TIAL1: variants seen among roughly 807,000 people sequenced by gnomAD.
TIAL1 encodes the protein TIA1 cytotoxic granule associated RNA binding protein like 1, also known as nucleolysin TIAR.
Under a neutral mutation model 59.7 loss-of-function variants are expected in TIAL1, and 7 were observed. The observed-to-expected ratio is 0.12, with a 90% CI of 0.07 to 0.22. TIAL1 has a LOEUF of 0.22. Among genes scored for constraint, TIAL1 ranks in the 10% least tolerant of loss-of-function variants. The probability of loss-of-function intolerance (pLI) is 1.00; values close to 1 mark genes in which losing one functional copy is unlikely to be tolerated. For synonymous variants in TIAL1, 149 were observed against 146.3 expected (o/e 1.02, Z -0.13); for missense variants, 225 against 462.5 (o/e 0.49, Z 4.71).
chr10:119,593,283 A>G (rs1261635824), intron 1 of TIAL1, among the ~76,000 whole-genome samples: 2 of 152,206 alleles, frequency 1.3e-5, no homozygotes, highest in Non-Finnish European at 2.9e-5. Context: ...TCAATGCATA[A>G]TACCCCAAAA....
chr10:119,582,444 A>G lies in TIAL1; in HGVS notation c.228+15T>C. On this transcript the variant is annotated intron_variant, in intron 3 of 11. Transcript: ENST00000436547. This position sits in a 1 kb window ranked among gnomAD's most constrained non-coding sequence, Gnocchi z 5.1. ...ATATATGTACTCATAAGGTGCCATC[A>G]TCCTATTATCTTACCTTTCCCAAAA... The G allele has an allele frequency of 1.3e-6, 2 of 1,580,464 alleles. No individual in the cohort carries two copies. Among genetic ancestry groups the G allele is most frequent in the Non-Finnish European group, 1.7e-6 (2 of 1,168,338 alleles).
intron 2 of TIAL1, among the ~76,000 whole-genome samples, 184 bp downstream of exon 2, chr10:119,587,968 G>A (rs1023265850): frequency 1.6e-4 from 24 of 152,166 alleles, no homozygotes; most frequent in African/African-American, 4.1e-4. Flanking sequence ...TTAACAGCAC[G>A]GAAACTTTGC....
intron 1 of TIAL1, among the ~76,000 whole-genome samples, chr10:119,589,395 G>A (rs1053226680): frequency 3.3e-5 from 5 of 152,010 alleles, no homozygotes; most frequent in Non-Finnish European, 4.4e-5. Flanking sequence ...TAGTAGAGAC[G>A]GGGTTTCACC....
intron 2 of TIAL1, among the ~76,000 whole-genome samples, chr10:119,587,566 T>C (rs1049657119): frequency 6.6e-6 from 1 of 152,044 alleles, no homozygotes; most frequent in Non-Finnish European, 1.5e-5. Flanking sequence ...GCCAAGGAAC[T>C]ATCTTTATTC....
At chr10:119,587,949 C>G (rs1012332206) in intron 2 of TIAL1, among the ~76,000 whole-genome samples, 1 of 152,150 alleles carries the variant, frequency 6.6e-6, no homozygotes, top group African/African-American at 2.4e-5. Context: ...GAAGAATGAC[C>G]GTTTGAGCTT....
At chr10:119,596,109 C>G (rs1432667302) in intron 1 of TIAL1, among the ~76,000 whole-genome samples, 2 of 151,992 alleles carry the variant, frequency 1.3e-5, no homozygotes, top group Non-Finnish European at 2.9e-5. Context: ...CCAGGGCGTC[C>G]AACGCGGAGG....
chr10:119,591,196 G>C (rs1461203267), intron 1 of TIAL1, among the ~76,000 whole-genome samples: 1 of 152,004 alleles, frequency 6.6e-6, no homozygotes, highest in South Asian at 2.1e-4. Flanking sequence ...TTGAGGTCAG[G>C]AGTTCAAGAC....
At chr10:119,578,938 G>C in intron 6 of TIAL1, 104 bp from the exon 7 acceptor site, 2 of 818,786 alleles carry the variant, frequency 2.4e-6, no homozygotes, top group East Asian at 2.7e-5. Context: ...CAAATCAGTA[G>C]ATGAATTTAC....
In TIAL1 at chr10:119,581,962, C is replaced by G. The variant is rs755473170; in HGVS notation, c.331G>C (p.Glu111Gln). The G allele has an allele frequency of 6.2e-7, 1 of 1,613,556 alleles. No homozygotes were observed. Among genetic ancestry groups the G allele is most frequent in the South Asian group, 1.1e-5 (1 of 91,052 alleles). The change falls in exon 5 of 12, where the codon GAA becomes CAA. Residue 111 changes from glutamate (E) to glutamine (Q), a missense_variant. This residue lies in a region of TIAL1 where 38 missense variants were observed against 173.0 expected (regional missense o/e 0.22). Coordinates refer to ENST00000436547, the MANE Select transcript of TIAL1 (RefSeq NM_003252.4). ...VGDLSPEITT[E>Q]DIKSAFAPFG... ...GGGGCAAATGCTGATTTGATATCTT[C>G]TGTTGTAATTTCTGGACTCAAATCC...
intron 1 of TIAL1, among the ~76,000 whole-genome samples, chr10:119,592,490 C>A (rs1055095094): frequency 2.0e-4 from 30 of 152,182 alleles, no homozygotes; most frequent in African/African-American, 7.0e-4. Flanking sequence ...TTTTTCAACA[C>A]TGAATGTGCT....
chr10:119,590,325 T>C (rs1482537107), intron 1 of TIAL1, among the ~76,000 whole-genome samples: 1 of 152,234 alleles, frequency 6.6e-6, no homozygotes, highest in African/African-American at 2.4e-5. Context: ...GAGCCAGCGA[T>C]AGGCTGCTTG....
chr10:119,594,626 ATTTT>A (rs753068323), intron 1 of TIAL1, among the ~76,000 whole-genome samples: 93 of 150,946 alleles, frequency 6.2e-4, no homozygotes, highest in Non-Finnish European at 1.1e-3. Context: ...GAAGGATAAA[ATTTT>A]TTTTTTAATT....
intron 6 of TIAL1, 123 bp from the exon 7 acceptor site, chr10:119,578,957 CT>C (rs1845168949): frequency 1.4e-6 from 1 of 711,316 alleles, no homozygotes; most frequent in Admixed American, 2.7e-5. Flanking sequence ...ACTAAATATC[CT>C]AAACAAAACG....
chr10:119,576,080 T>C (rs1274910021), intron 11 of TIAL1, among the ~76,000 whole-genome samples: 1 of 150,406 alleles, frequency 6.6e-6, no homozygotes, highest in Admixed American at 6.7e-5. Context: ...ATCTATTACA[T>C]AAGAAATTTT....
intron 11 of TIAL1, 126 bp from the exon 12 acceptor site, chr10:119,575,917 A>C: frequency 1.2e-6 from 1 of 864,300 alleles, no homozygotes; most frequent in Non-Finnish European, 1.7e-6. Context: ...CCTACAACAA[A>C]TAGAAAGATC....
intron 5 of TIAL1, 68 bp downstream of exon 5, chr10:119,581,854 C>T: frequency 8.8e-7 from 1 of 1,137,522 alleles, no homozygotes; most frequent in Non-Finnish European, 1.3e-6. Flanking sequence ...AATCTTAATT[C>T]AATTACAAGT....
intron 2 of TIAL1, among the ~76,000 whole-genome samples, chr10:119,586,999 G>C (rs530272928): frequency 1.3e-5 from 2 of 152,260 alleles, no homozygotes; most frequent in Admixed American, 1.3e-4. Context: ...ATAGTGCCTA[G>C]TGCAAAGGAA....
intron 1 of TIAL1, chr10:119,593,515 T>C: frequency 1.0e-6 from 1 of 985,746 alleles, no homozygotes; most frequent in Non-Finnish European, 1.2e-6. Flanking sequence ...TGTGTGTGTC[T>C]GCAGGAAAAA....
At position 119,582,489 on chromosome 10, in the gene TIAL1, A is replaced by C. The variant is rs1387553652; in HGVS notation, c.198T>G (p.Ala66=). 6.2e-7 allele frequency: 1 copy of C among 1,607,982 alleles called. No homozygotes were observed. Among genetic ancestry groups the C allele is most frequent in the Admixed American group, 1.7e-5 (1 of 58,158 alleles). ...CCAAAATTTTTCTCCCATTCATAGC[A>C]GCTAATGCAGCAGCTGCATCTCTGT... ...YEHRDAAAAL[A]AMNGRKILGK... Residue 66 remains alanine, a synonymous_variant, in exon 3 of 12, where the codon GCT becomes GCG. Transcript: ENST00000436547. The surrounding 1 kb of genome is among the most constrained non-coding windows in gnomAD (Gnocchi z 5.1).
Sources: allele counts gnomAD v4.1 joint callset (sites outside exome capture counted in the v4.1 genomes callset), GRCh38; gene constraint gnomAD v4.1.1; regional missense constraint gnomAD v4.1.1; non-coding constraint Gnocchi (gnomAD v3.1); transcripts MANE v1.5; gene names NCBI Gene and HGNC (gene_info 2026-07-23, HGNC 2026-07-21).